SUSD4: variants seen among roughly 807,000 people sequenced by gnomAD.
SUSD4 encodes the protein sushi domain containing 4.
In SUSD4, 41 loss-of-function variants were observed where a neutral mutation model predicts 50.5. That is an observed-to-expected ratio of 0.81 (90% CI 0.63 to 1.05). SUSD4 has a LOEUF of 1.05. SUSD4 is among the 50% of genes least tolerant of loss of function. The pLI is 0.00. For synonymous variants in SUSD4, 257 were observed against 257.3 expected (o/e 1.00, Z 0.01); for missense variants, 580 against 634.7 (o/e 0.91, Z 0.93).
chr1:223,295,277 C>A (rs1329158785), intron 2 of SUSD4, among the ~76,000 whole-genome samples: 7 of 152,140 alleles, frequency 4.6e-5, no homozygotes, highest in Admixed American at 2.0e-4. Context: ...ACATTAGCAG[C>A]AATGGAATTC....
chr1:223,364,672 C>CCGCGG (rs1384782501), upstream of SUSD4, among the ~76,000 whole-genome samples: 16 of 151,382 alleles, frequency 1.1e-4, 1 homozygote, highest in Admixed American at 8.5e-4. The surrounding 1 kb of genome is among the most constrained non-coding windows in gnomAD (Gnocchi z 4.5). Flanking sequence ...TGCCCCCAGC[C>CCGCGG]CGCGGCGCGG....
intron 5 of SUSD4, among the ~76,000 whole-genome samples, chr1:223,251,738 C>A (rs1421068314): frequency 6.6e-6 from 1 of 152,090 alleles, no homozygotes; most frequent in Non-Finnish European, 1.5e-5. Context: ...TTTATAGCAG[C>A]ATGATTTATA....
intron 2 of SUSD4, among the ~76,000 whole-genome samples, chr1:223,309,425 T>G (rs765441576): frequency 6.6e-6 from 1 of 152,104 alleles, no homozygotes; most frequent in Non-Finnish European, 1.5e-5. Flanking sequence ...GGAGAGCTTC[T>G]CCAGGGATAA....
chr1:223,278,759 G>A (rs1023326301), intron 3 of SUSD4, among the ~76,000 whole-genome samples: 2 of 152,228 alleles, frequency 1.3e-5, no homozygotes, highest in Non-Finnish European at 2.9e-5. Flanking sequence ...AGAACGGACA[G>A]ACTGCCTCCT....
intron 5 of SUSD4, among the ~76,000 whole-genome samples, chr1:223,239,382 G>A (rs541303446): frequency 2.0e-5 from 3 of 152,036 alleles, no homozygotes; most frequent in East Asian, 1.9e-4. Flanking sequence ...ATGTGTTATC[G>A]TTTTTTGTTT....
At chr1:223,249,220 G>A (rs1269126653) in intron 5 of SUSD4, among the ~76,000 whole-genome samples, 1 of 152,144 alleles carries the variant, frequency 6.6e-6, no homozygotes, top group Non-Finnish European at 1.5e-5. Flanking sequence ...TGAATTTTTT[G>A]TAAGGGAAGG....
intron 2 of SUSD4, among the ~76,000 whole-genome samples, chr1:223,330,126 T>C (rs1667097414): frequency 6.6e-6 from 1 of 152,180 alleles, no homozygotes. Context: ...TTGTATTTCT[T>C]TGGGAAAGCA....
intron 3 of SUSD4, among the ~76,000 whole-genome samples, chr1:223,280,715 C>T (rs1663653886): frequency 6.6e-6 from 1 of 150,768 alleles, no homozygotes; most frequent in African/African-American, 2.4e-5. Context: ...AGGAATTGAA[C>T]TCAGCTCTGT....
At chr1:223,232,378 C>T (rs1659955370) in intron 5 of SUSD4, among the ~76,000 whole-genome samples, 1 of 152,248 alleles carries the variant, frequency 6.6e-6, no homozygotes, top group South Asian at 2.1e-4. Context: ...TATCTCAAAA[C>T]ATCATGTTGT....
intron 2 of SUSD4, among the ~76,000 whole-genome samples, chr1:223,351,420 G>C (rs1021210012): frequency 2.0e-5 from 3 of 152,180 alleles, no homozygotes; most frequent in African/African-American, 7.2e-5. Flanking sequence ...AGAGCAAAAG[G>C]CTCCATGCAA....
At chr1:223,357,042 A>G (rs1026825448) in intron 2 of SUSD4, among the ~76,000 whole-genome samples, 1 of 152,238 alleles carries the variant, frequency 6.6e-6, no homozygotes, top group Non-Finnish European at 1.5e-5. Flanking sequence ...AGTCACTAGC[A>G]GAAGGCCCCA....
intron 5 of SUSD4, among the ~76,000 whole-genome samples, chr1:223,248,917 A>C (rs1171080763): frequency 2.0e-5 from 3 of 152,236 alleles, no homozygotes; most frequent in African/African-American, 7.2e-5. Context: ...AGGAAGCCAC[A>C]GAGGAGCACA....
intron 7 of SUSD4, 117 bp from the exon 8 acceptor site, chr1:223,223,748 G>A (rs916214135): frequency 3.9e-5 from 49 of 1,249,136 alleles, no homozygotes; most frequent in Middle Eastern, 2.1e-4. Flanking sequence ...GCAGAGTCCC[G>A]TATGGAGGAT....
At chr1:223,327,205 T>C (rs778297739) in intron 2 of SUSD4, among the ~76,000 whole-genome samples, 4 of 152,204 alleles carry the variant, frequency 2.6e-5, no homozygotes, top group Non-Finnish European at 4.4e-5. Context: ...CTGGAGGCCA[T>C]TATTCTAACT....
intron 2 of SUSD4, among the ~76,000 whole-genome samples, chr1:223,304,809 T>A (rs1294149883): frequency 6.7e-5 from 1 of 14,976 alleles, no homozygotes; most frequent in African/African-American, 1.8e-4. Context: ...TATATATATA[T>A]ATATATATAT....
At chr1:223,326,148 T>C (rs191612597) in intron 2 of SUSD4, among the ~76,000 whole-genome samples, 10 of 152,156 alleles carry the variant, frequency 6.6e-5, no homozygotes, top group African/African-American at 2.4e-4. Flanking sequence ...GGTATAAAAA[T>C]AGGCACATAG....
chr1:223,322,697 T>G (rs777415491), intron 2 of SUSD4, among the ~76,000 whole-genome samples: 4 of 152,152 alleles, frequency 2.6e-5, no homozygotes, highest in Non-Finnish European at 5.9e-5. Context: ...TGCATATGCA[T>G]GCGAGGCGGG....
intron 5 of SUSD4, among the ~76,000 whole-genome samples, chr1:223,237,180 T>G (rs1660277259): frequency 6.6e-6 from 1 of 152,074 alleles, no homozygotes; most frequent in Non-Finnish European, 1.5e-5. Flanking sequence ...ATGTGATTGA[T>G]CTTTGTATAC....
chr1:223,325,339 C>T (rs928127220), intron 2 of SUSD4, among the ~76,000 whole-genome samples: 4 of 152,046 alleles, frequency 2.6e-5, no homozygotes, highest in African/African-American at 7.2e-5. Flanking sequence ...AGAAATATAT[C>T]GAGAGTGATG....
Sources: gnomAD v4.1 joint callset for allele counts (sites outside exome capture counted in the v4.1 genomes callset) on GRCh38, gnomAD v4.1.1 for gene constraint, Gnocchi (gnomAD v3.1) non-coding constraint, MANE v1.5 for transcripts, NCBI Gene and HGNC (gene_info 2026-07-23, HGNC 2026-07-21) for gene names.